The following LRP1B variants were observed in gnomAD, a reference collection of about 807,000 sequenced individuals.
LRP1B encodes the protein LDL receptor related protein 1B.
In LRP1B, 217 loss-of-function variants were observed where a neutral mutation model predicts 556.6. The observed-to-expected ratio is 0.39, with a 90% CI of 0.35 to 0.44. The LOEUF is 0.44. Among genes scored for constraint, LRP1B ranks in the 20% least tolerant of loss-of-function variants. The probability of loss-of-function intolerance (pLI) is 1.00; values close to 1 mark genes in which losing one functional copy is unlikely to be tolerated. For missense variants in LRP1B, 5,053 were observed against 5,620.8 expected (o/e 0.90, Z 3.23); for synonymous variants, 2,047 against 1,865.8 (o/e 1.10, Z -2.50).
chr2:141,413,727 CA>C lies in LRP1B; in HGVS notation c.343+66668del, dbSNP rs199704115. Among the ~76,000 whole-genome samples, 1,242 of 150,654 alleles carry C rather than the reference CA, an allele frequency of 8.2e-3. 21 individuals carry two copies. The highest frequency in any genetic ancestry group is 0.029 in the African/African-American group (1,170 of 40,978). On this transcript the variant is annotated intron_variant, in intron 3 of 90. Coordinates refer to ENST00000389484, the MANE Select transcript of LRP1B (RefSeq NM_018557.3). ...TTTTTGTATTATTGTACAAAAAATGCAAAAAAATTAGCTAGGCATGGTGGTG... is the reference window on the plus strand; with the variant it reads ...TTTTTGTATTATTGTACAAAAAATGCAAAAAATTAGCTAGGCATGGTGGTG...
At chr2:141,370,170 A>C (rs529289815) in intron 3 of LRP1B, among the ~76,000 whole-genome samples, 1 of 152,258 alleles carries the variant, frequency 6.6e-6, no homozygotes, top group East Asian at 1.9e-4. Context: ...GTAGATACTC[A>C]GTAGTGGGAC....
chr2:140,424,149 G>A (rs1227315735), intron 66 of LRP1B, among the ~76,000 whole-genome samples: 2 of 152,192 alleles, frequency 1.3e-5, no homozygotes, highest in South Asian at 4.2e-4. Flanking sequence ...AAAGAGATCA[G>A]GAAGAAGCAC....
intron 62 of LRP1B, among the ~76,000 whole-genome samples, chr2:140,454,359 C>T (rs1286799731): frequency 6.6e-6 from 1 of 151,986 alleles, no homozygotes; most frequent in Non-Finnish European, 1.5e-5. Context: ...CTACGTTGGC[C>T]AGGCGGCTCT....
chr2:141,826,915 C>T (rs1696947671), intron 1 of LRP1B, among the ~76,000 whole-genome samples: 1 of 152,140 alleles, frequency 6.6e-6, no homozygotes, highest in Admixed American at 6.5e-5. Flanking sequence ...CCAAGAGATT[C>T]TGTCATTTTA....
chr2:142,084,679 T>A (rs1251612850), intron 1 of LRP1B, among the ~76,000 whole-genome samples: 1 of 152,122 alleles, frequency 6.6e-6, no homozygotes, highest in Non-Finnish European at 1.5e-5. Context: ...ACCAATAACA[T>A]CTCCGTCCTT....
intron 46 of LRP1B, among the ~76,000 whole-genome samples, chr2:140,535,291 G>A (rs887311037): frequency 6.6e-6 from 1 of 152,104 alleles, no homozygotes; most frequent in African/African-American, 2.4e-5. Flanking sequence ...ATGCAAGCCT[G>A]TGACTTTATT....
intron 86 of LRP1B, among the ~76,000 whole-genome samples, chr2:140,254,087 A>G (rs1479185745): frequency 6.6e-6 from 1 of 152,182 alleles, no homozygotes; most frequent in Admixed American, 6.5e-5. Flanking sequence ...CAAAAACCCA[A>G]CAAAGGCCCT....
At chr2:141,510,423 A>G (rs994783313) in intron 2 of LRP1B, among the ~76,000 whole-genome samples, 2 of 152,120 alleles carry the variant, frequency 1.3e-5, no homozygotes, top group Admixed American at 6.6e-5. Flanking sequence ...TCTCAGCAAA[A>G]CAATGATTTT....
intron 7 of LRP1B, among the ~76,000 whole-genome samples, chr2:141,081,559 G>A (rs1330204546): frequency 6.6e-6 from 1 of 152,158 alleles, no homozygotes; most frequent in Non-Finnish European, 1.5e-5. Context: ...ATATATACAG[G>A]TTTCAAGGGA....
chr2:141,954,820 T>C (rs1034434764), intron 1 of LRP1B, among the ~76,000 whole-genome samples: 3 of 152,112 alleles, frequency 2.0e-5, no homozygotes. Context: ...TGAGTTATCT[T>C]TTCTAACTTC....
intron 1 of LRP1B, among the ~76,000 whole-genome samples, chr2:142,024,829 T>C (rs1703453865): frequency 6.6e-6 from 1 of 152,096 alleles, no homozygotes; most frequent in South Asian, 2.1e-4. Flanking sequence ...AATATATATC[T>C]GGCTCCTGAA....
chr2:141,866,903 G>T (rs1698430112), intron 1 of LRP1B, among the ~76,000 whole-genome samples: 1 of 151,836 alleles, frequency 6.6e-6, no homozygotes, highest in African/African-American at 2.4e-5. Context: ...TTTGAAATAA[G>T]GGGGAAAAAA....
At chr2:141,667,440 CA>C (rs1690486281) in intron 2 of LRP1B, among the ~76,000 whole-genome samples, 1 of 152,036 alleles carries the variant, frequency 6.6e-6, no homozygotes, top group African/African-American at 2.4e-5. Flanking sequence ...TATCACTTGA[CA>C]AAAAATAGAC....
At chr2:141,876,145 A>G (rs1698751597) in intron 1 of LRP1B, among the ~76,000 whole-genome samples, 1 of 152,012 alleles carries the variant, frequency 6.6e-6, no homozygotes. Context: ...TATGATGAGT[A>G]ATTCTCTGAA....
chr2:140,590,622 C>A (rs1404183345), intron 43 of LRP1B, among the ~76,000 whole-genome samples: 1 of 151,910 alleles, frequency 6.6e-6, no homozygotes, highest in Non-Finnish European at 1.5e-5. Flanking sequence ...AAGGGAAGGC[C>A]ACGTGAAGAC....
chr2:141,521,794 G>C (rs1308516717), intron 2 of LRP1B, among the ~76,000 whole-genome samples: 1 of 151,908 alleles, frequency 6.6e-6, no homozygotes, highest in East Asian at 1.9e-4. Flanking sequence ...TGCTTTCCAA[G>C]TCTGGATTCT....
chr2:140,954,217 A>G (rs1695806017), intron 18 of LRP1B, among the ~76,000 whole-genome samples: 1 of 152,178 alleles, frequency 6.6e-6, no homozygotes, highest in Non-Finnish European at 1.5e-5. Context: ...TGTCCGAAAT[A>G]TGCTTTTGTC....
chr2:141,089,442 T>C (rs1363500456), intron 7 of LRP1B, among the ~76,000 whole-genome samples: 1 of 152,244 alleles, frequency 6.6e-6, no homozygotes, highest in Non-Finnish European at 1.5e-5. Flanking sequence ...AATGAAAATA[T>C]ACTATTTTGG....
In LRP1B at chr2:140,252,894, A is replaced by C. The variant is rs1214468532; in HGVS notation, c.13248-5732T>G. On this transcript the variant is annotated intron_variant, in intron 86 of 90. Coordinates refer to ENST00000389484, the MANE Select transcript of LRP1B (RefSeq NM_018557.3). ...ATTCATCTAAAATGTATAAACAAAT[A>C]TACCCTTATGTCTCAATTCATACAA... Among the ~76,000 whole-genome samples the C allele has an allele frequency of 2.0e-5, 3 of 152,078 alleles. No homozygotes were observed. In the East Asian group the frequency reaches 5.8e-4, roughly 29 times the overall value.
Sources: allele counts gnomAD v4.1 joint callset (sites outside exome capture counted in the v4.1 genomes callset), GRCh38; gene constraint gnomAD v4.1.1; transcripts MANE v1.5; gene names NCBI Gene and HGNC (gene_info 2026-07-23, HGNC 2026-07-21).